Variants in FAM53A observed in about 807,000 individuals in gnomAD.
FAM53A encodes the protein protein FAM53A.
FAM53A carries 28 observed loss-of-function variants against 26.6 expected under a neutral mutation model. That is an observed-to-expected ratio of 1.05 (90% CI 0.78 to 1.45). The LOEUF is 1.45. FAM53A is among the 40% of genes most tolerant of loss of function. The probability of loss-of-function intolerance (pLI) is 0.00; values close to 1 mark genes in which losing one functional copy is unlikely to be tolerated. For missense variants in FAM53A, 650 were observed against 575.8 expected, an observed-to-expected ratio of 1.13 and a Z score of -1.32; for synonymous variants, 290 against 253.1, an observed-to-expected ratio of 1.15 and a Z score of -1.38.
At chr4:1,583,379 C>G in the FAM53A span, among the ~76,000 whole-genome samples, 11 of 152,244 alleles carry the variant, frequency 7.2e-5, no homozygotes, top group African/African-American at 2.7e-4. Flanking sequence ...AGACCCAGCA[C>G]AGGCCTAAGG....
chr4:1,654,525 C>T (rs1052701935), intron 4 of FAM53A, among the ~76,000 whole-genome samples: 1 of 152,276 alleles, frequency 6.6e-6, no homozygotes, highest in East Asian at 1.9e-4. Flanking sequence ...TGAGCTGCAA[C>T]ATGCACACCC....
intron 1 of FAM53A, among the ~76,000 whole-genome samples, chr4:1,678,035 G>C (rs926679412): frequency 6.6e-6 from 1 of 152,166 alleles, no homozygotes; most frequent in South Asian, 2.1e-4. Flanking sequence ...TTGGAGGACT[G>C]ACACTATTCA....
At chr4:1,591,342 C>G in the FAM53A span, among the ~76,000 whole-genome samples, 1 of 152,036 alleles carries the variant, frequency 6.6e-6, no homozygotes, top group Admixed American at 6.6e-5. Context: ...TGCAGGCTGG[C>G]CCCCCTCTGG....
the FAM53A span, among the ~76,000 whole-genome samples, chr4:1,595,153 G>A: frequency 6.6e-6 from 1 of 152,230 alleles, no homozygotes; most frequent in Admixed American, 6.5e-5. Context: ...GGAAGCCGCA[G>A]CCACTGAAAG....
At chr4:1,620,151 G>T (rs1457753264) in intron 1 of FAM53A, among the ~76,000 whole-genome samples, 1 of 151,504 alleles carries the variant, frequency 6.6e-6, no homozygotes, top group East Asian at 1.9e-4. Flanking sequence ...AGGTTGCAGT[G>T]AGCTGAGATC....
chr4:1,611,670 G>A, the FAM53A span, among the ~76,000 whole-genome samples: 2 of 152,232 alleles, frequency 1.3e-5, no homozygotes, highest in Admixed American at 6.5e-5. Context: ...TGGGGGCCCT[G>A]GCTCCTGAGC....
intron 1 of FAM53A, among the ~76,000 whole-genome samples, chr4:1,623,501 C>T (rs937125149): frequency 4.6e-5 from 7 of 152,340 alleles, no homozygotes; most frequent in Non-Finnish European, 8.8e-5. Context: ...GGGCAGTTCT[C>T]GGGAGTCCAC....
chr4:1,655,749 G>GGGGAAGAGACAGGTGAGCCACA (rs1258301076), intron 3 of FAM53A, 26 bp from the exon 4 acceptor site: 1 of 1,519,484 alleles, frequency 6.6e-7, no homozygotes, highest in African/African-American at 1.4e-5. Context: ...CAAAGAGGCA[G>GGGGAAGAGACAGGTGAGCCACA]GGGAAGAGAC....
the FAM53A span, among the ~76,000 whole-genome samples, chr4:1,580,582 CTACCT>C: frequency 2.7e-5 from 4 of 148,454 alleles, no homozygotes; most frequent in Non-Finnish European, 3.0e-5. Flanking sequence ...GCCCCGCCTC[CTACCT>C]CGGGCCCCAC....
rs938067089 is a variant in FAM53A, at chr4:1,655,579, C to T, written c.281G>A (p.Gly94Asp). 17 of 1,582,210 alleles carry T rather than the reference C, an allele frequency of 1.1e-5. No homozygotes were observed. Among genetic ancestry groups the T allele is most frequent in the Non-Finnish European group, 1.2e-5 (14 of 1,163,120 alleles). The change falls in exon 4 of 5, where the codon GGC becomes GAC. Residue 94 changes from glycine (G) to aspartate (D), a missense_variant. Physicochemically the swap from Gly to Asp is moderately conservative, Grantham distance 94. Coordinates refer to ENST00000308132, the MANE Select transcript of FAM53A (RefSeq NM_001174070.3). ...LQWQPQSPRP[G>D]AGLGAASTVD... ...GGTGCTGGCTGCACCCAGGCCTGCG[C>T]CTGGGCGCGGGGACTGTGGCTGCCA...
chr4:1,655,628 C>T lies in FAM53A; in HGVS notation c.232G>A (p.Ala78Thr). The change falls in exon 4 of 5, where the codon GCC becomes ACC. Residue 78 changes from alanine (A) to threonine (T), a missense_variant. By Grantham distance (58) the Ala-to-Thr change is moderately conservative. Transcript: ENST00000308132. Reference protein sequence around the residue: ...DFSFLPGLSAAAHTMGLQWQP... With the variant: ...DFSFLPGLSATAHTMGLQWQP... ...CACTGAAGACCCATGGTGTGAGCGG[C>T]AGCAGACAGGCCCGGCAGGAAGGAG... 2 of 1,594,866 alleles carry T rather than the reference C, an allele frequency of 1.3e-6. No homozygotes were observed. The highest frequency in any genetic ancestry group is 1.7e-6 in the Non-Finnish European group (2 of 1,171,332).
chr4:1,632,467 G>C (rs1363859634), intron 1 of FAM53A, among the ~76,000 whole-genome samples: 1 of 152,212 alleles, frequency 6.6e-6, no homozygotes, highest in Non-Finnish European at 1.5e-5. Context: ...CCACTGTGCA[G>C]TATTCTGACA....
In FAM53A at chr4:1,654,740, C is replaced by T. The variant is rs115064945; in HGVS notation, c.882+238G>A. On this transcript the variant is annotated intron_variant, in intron 4 of 4. Transcript: ENST00000308132. ...GCAAGCCTGGCCGGCCACCCTGGGC[C>T]GTGTGTGGGGCTCTGCCTCTGCGGG... is the stretch of plus-strand genomic sequence containing the variant. 7.2e-5 allele frequency among the ~76,000 whole-genome samples: 11 copies of T among 152,318 alleles called. 1 individual carries two copies. In the South Asian group the frequency reaches 1.7e-3, roughly 23 times the overall value.
At chr4:1,611,377 C>A in the FAM53A span, among the ~76,000 whole-genome samples, 1 of 152,314 alleles carries the variant, frequency 6.6e-6, no homozygotes, top group South Asian at 2.1e-4. Context: ...GTCCTCCTGG[C>A]CTGTCCTGGA....
chr4:1,654,955 C>T (rs747982370), intron 4 of FAM53A, 23 bp downstream of exon 4: 134 of 1,501,778 alleles, frequency 8.9e-5, no homozygotes, highest in Non-Finnish European at 1.2e-4. Context: ...CCCTCTGAGC[C>T]CCTGGAAATA....
chr4:1,649,164 G>GGGGAAAGGGAAA (rs1257812301), intron 4 of FAM53A, among the ~76,000 whole-genome samples: 1 of 78,356 alleles, frequency 1.3e-5, no homozygotes, highest in Non-Finnish European at 2.7e-5. Context: ...GGAAAGGGAA[G>GGGGAAAGGGAAA]GGGAAAGGGA....
At chr4:1,606,803 T>C in the FAM53A span, among the ~76,000 whole-genome samples, 12 of 152,370 alleles carry the variant, frequency 7.9e-5, no homozygotes, top group East Asian at 2.1e-3. Flanking sequence ...AAAGCGCTGC[T>C]GTGAATGCGG....
chr4:1,666,280 AC>A (rs1334713829), intron 2 of FAM53A, among the ~76,000 whole-genome samples: 2 of 135,264 alleles, frequency 1.5e-5, no homozygotes, highest in Non-Finnish European at 3.1e-5. Context: ...TAAAACCTGC[AC>A]CCCCTGTATC....
At chr4:1,655,824 A>C (rs1408710863) in intron 3 of FAM53A, 101 bp from the exon 4 acceptor site, 4 of 1,354,704 alleles carry the variant, frequency 3.0e-6, no homozygotes, top group Non-Finnish European at 3.9e-6. Context: ...TCAAGGGCAC[A>C]ACCCCATCGC....
Sources: gnomAD v4.1 joint callset for allele counts (sites outside exome capture counted in the v4.1 genomes callset) on GRCh38, gnomAD v4.1.1 for gene constraint, MANE v1.5 for transcripts, NCBI Gene and HGNC (gene_info 2026-07-23, HGNC 2026-07-21) for gene names.